Variants in ATP5F1D observed in about 807,000 individuals in gnomAD.
The protein encoded by ATP5F1D is ATP synthase F1 subunit delta.
Under a neutral mutation model 13.0 loss-of-function variants are expected in ATP5F1D, and 16 were observed. That is an observed-to-expected ratio of 1.23 (90% CI 0.83 to 1.87). The LOEUF (loss-of-function observed/expected upper bound fraction) is 1.87, where lower values mean the gene tolerates loss of function less well. Ranked by LOEUF, ATP5F1D falls within the 40% of genes most tolerant of loss-of-function variation. ATP5F1D has a pLI of 0.00. For synonymous variants in ATP5F1D, 129 were observed against 116.2 expected (o/e 1.11, Z -0.71); for missense variants, 294 against 246.2 (o/e 1.19, Z -1.30).
intron 1 of ATP5F1D, 37 bp downstream of exon 1, chr19:1,242,028 C>T: frequency 2.2e-6 from 3 of 1,366,002 alleles, no homozygotes; most frequent in Non-Finnish European, 9.5e-7. Flanking sequence ...CCGTGGCCGC[C>T]GCCCCCGGAG....
In ATP5F1D at chr19:1,244,693, C is replaced by G; in HGVS notation, c.*256C>G. Reference sequence around the variant, plus strand: ...GGGCTCTCCTTCCGCCTCTCAAGATCCCCCCAGCCTGACGGGCCGCTTACC... The same window carrying G: ...GGGCTCTCCTTCCGCCTCTCAAGATGCCCCCAGCCTGACGGGCCGCTTACC... On this transcript the variant is annotated 3_prime_UTR_variant, in exon 4 of 4. Coordinates refer to ENST00000215375, the MANE Select transcript of ATP5F1D (RefSeq NM_001687.5). The G allele has an allele frequency of 1.9e-6, 1 of 525,558 alleles. No individual in the cohort carries two copies. Among genetic ancestry groups the G allele is most frequent in the Non-Finnish European group, 3.3e-6 (1 of 304,532 alleles). 32.6% of individuals were successfully genotyped at this position (525,558 alleles called of 1,614,324 possible).
intron 2 of ATP5F1D, chr19:1,242,865 G>T: frequency 3.5e-6 from 1 of 288,776 alleles, no homozygotes; most frequent in Non-Finnish European, 6.3e-6. Flanking sequence ...GGTGGCTCCC[G>T]CCTGTAATCC....
At position 1,244,504 on chromosome 19, in the gene ATP5F1D, A is replaced by G; in HGVS notation, c.*67A>G. The stretch of plus-strand genomic sequence containing the variant: ...GCAGGGATGCCAGGTGGGCCCAGCC[A>G]GCTCCTGGGGTCCCGGCCACCTGGG... On this transcript the variant is annotated 3_prime_UTR_variant, in exon 4 of 4. Transcript: ENST00000215375. The G allele has an allele frequency of 1.3e-6, 2 of 1,518,620 alleles. No homozygotes were observed. The highest frequency in any genetic ancestry group is 8.9e-7 in the Non-Finnish European group (1 of 1,128,132). 94.1% of individuals were successfully genotyped at this position (1,518,620 alleles called of 1,614,324 possible).
chr19:1,242,041 C>T (rs1166600023), intron 1 of ATP5F1D, 50 bp downstream of exon 1: 8 of 1,350,678 alleles, frequency 5.9e-6, no homozygotes, highest in Non-Finnish European at 7.6e-6. Flanking sequence ...CCCCGGAGTC[C>T]AGGGTCCCCA....
intron 1 of ATP5F1D, 68 bp downstream of exon 1, chr19:1,242,059 G>T: frequency 7.7e-7 from 1 of 1,303,916 alleles, no homozygotes; most frequent in Non-Finnish European, 9.8e-7. Flanking sequence ...CCACCCCCAG[G>T]GCGCGACCCC....
Position 1,244,071 on chromosome 19 carries a change from G to A in ATP5F1D, c.296-26G>A, listed in dbSNP as rs370089580. 2.4e-4 allele frequency: 387 copies of A among 1,595,732 alleles called. 2 individuals carry two copies. Among genetic ancestry groups the A allele is most frequent in the East Asian group, 2.0e-3 (86 of 43,484 alleles). On this transcript the variant is annotated intron_variant, in intron 2 of 3. Coordinates refer to ENST00000215375, the MANE Select transcript of ATP5F1D (RefSeq NM_001687.5). ...GCTGTGCAGCCCTTTGGGGTCTCAC[G>A]CCTTCCCCCCGCCCCATTCCCCCAG...
Position 1,241,866 on chromosome 19 carries a change from C to A in ATP5F1D, c.16C>A (p.Leu6Met). The A allele has an allele frequency of 7.2e-7, 1 of 1,391,862 alleles. No homozygotes were observed. Among genetic ancestry groups the A allele is most frequent in the Non-Finnish European group, 9.3e-7 (1 of 1,074,874 alleles). 86.2% of individuals were successfully genotyped at this position (1,391,862 alleles called of 1,614,324 possible). ...CGCCGCTGCCATGCTGCCCGCCGCG[C>A]TGCTCCGCCGCCCGGGACTTGGCCG... MLPAALLRRPGLGRLV... is the reference protein window; with the variant it reads MLPAAMLRRPGLGRLV... Residue 6 changes from leucine (L) to methionine (M), a missense_variant, in exon 1 of 4, where the codon CTG becomes ATG. By Grantham distance (15) the Leu-to-Met change is conservative. Coordinates refer to ENST00000215375, the MANE Select transcript of ATP5F1D (RefSeq NM_001687.5).
At chr19:1,244,014 G>A (rs1195088739) in intron 2 of ATP5F1D, 83 bp from the exon 3 acceptor site, 1 of 1,356,684 alleles carries the variant, frequency 7.4e-7, no homozygotes, top group Non-Finnish European at 1.0e-6. Context: ...GGTTCACAGG[G>A]GGCTCTGGAC....
chr19:1,242,058 G>T, intron 1 of ATP5F1D, 67 bp downstream of exon 1: 1 of 1,305,048 alleles, frequency 7.7e-7, no homozygotes, highest in East Asian at 2.9e-5. Context: ...CCCACCCCCA[G>T]GGCGCGACCC....
At position 1,242,516 on chromosome 19, in the gene ATP5F1D, G is replaced by A. The variant is rs1405518781; in HGVS notation, c.202G>A (p.Gly68Ser). The change falls in exon 2 of 4, where the codon GGC becomes AGC. Residue 68 changes from glycine to serine, a missense_variant. Physicochemically the swap from Gly to Ser is moderately conservative, Grantham distance 56. Coordinates refer to ENST00000215375, the MANE Select transcript of ATP5F1D (RefSeq NM_001687.5). ...VDVPTLTGAF[G>S]ILAAHVPTLQ... Reference sequence around the variant, plus strand: ...CGTGCCCACGCTGACCGGAGCCTTCGGCATCCTGGCGGCCCACGTGCCCAC... The same window carrying A: ...CGTGCCCACGCTGACCGGAGCCTTCAGCATCCTGGCGGCCCACGTGCCCAC... 3 of 1,550,996 alleles carry A rather than the reference G, an allele frequency of 1.9e-6. No homozygotes were observed. In the South Asian group the frequency reaches 3.6e-5, roughly 18 times the overall value.
At position 1,244,411 on chromosome 19, in the gene ATP5F1D, G is replaced by A. The variant is rs370466468; in HGVS notation, c.481G>A (p.Glu161Lys). 2.9e-5 allele frequency: 45 copies of A among 1,562,680 alleles called. No individual in the cohort carries two copies. Among genetic ancestry groups the A allele is most frequent in the Non-Finnish European group, 2.9e-5 (33 of 1,153,502 alleles). Residue 161 changes from glutamate (E) to lysine (K), a missense_variant, in exon 4 of 4, where the codon GAG (glutamate) becomes AAG (lysine). Physicochemically the swap from Glu to Lys is moderately conservative, Grantham distance 56. Coordinates refer to ENST00000215375, the MANE Select transcript of ATP5F1D (RefSeq NM_001687.5). ...AEIQIRIEAN[E>K]ALVKALE ...GATCCAGATCCGAATCGAGGCCAAC[G>A]AGGCCCTGGTGAAGGCCCTGGAGTA... is the stretch of plus-strand genomic sequence containing the variant.
At chr19:1,244,239 G>A in intron 3 of ATP5F1D, 54 bp downstream of exon 3, 2 of 1,586,140 alleles carry the variant, frequency 1.3e-6, no homozygotes, top group Admixed American at 3.5e-5. Flanking sequence ...CCAGGCTGCG[G>A]GGGAGGGAGC....
At chr19:1,242,374 A>G in intron 1 of ATP5F1D, 82 bp from the exon 2 acceptor site, 1 of 1,409,276 alleles carries the variant, frequency 7.1e-7, no homozygotes, top group Non-Finnish European at 9.3e-7. Context: ...GCCCTGACCC[A>G]TTACTTAGCA....
rs1018757225 is a variant in ATP5F1D, at chr19:1,244,335, G to A, written c.405G>A (p.Glu135=). ...TGCAGGCAGCCAAGGCAAACTTGGA[G>A]AAGGCCCAGGCGGAGCTGGTGGGGA... ...LDLGAAKANL[E]KAQAELVGTA... is the part of the protein sequence containing the mutation. Residue 135 remains glutamate, a synonymous_variant, in exon 4 of 4, where the codon GAG becomes GAA. Transcript: ENST00000215375. The A allele has an allele frequency of 6.3e-7, 1 of 1,593,210 alleles. No individual in the cohort carries two copies. Among genetic ancestry groups the A allele is most frequent in the Non-Finnish European group, 8.5e-7 (1 of 1,170,420 alleles).
At chr19:1,242,051 AC>A (rs2081040124) in intron 1 of ATP5F1D, 60 bp downstream of exon 1, 8 of 1,311,168 alleles carry the variant, frequency 6.1e-6, no homozygotes, top group Non-Finnish European at 6.8e-6. Context: ...CAGGGTCCCC[AC>A]CCCCAGGGCG....
chr19:1,243,888 C>T (rs1037797589), intron 2 of ATP5F1D, among the ~76,000 whole-genome samples: 5 of 152,194 alleles, frequency 3.3e-5, no homozygotes, highest in African/African-American at 9.7e-5. Context: ...CTAGTCCTTT[C>T]TTGCGGCCCC....
In ATP5F1D at chr19:1,241,782, C is replaced by G; in HGVS notation, c.-69C>G. 3 of 1,274,480 alleles carry G rather than the reference C, an allele frequency of 2.4e-6. No individual in the cohort carries two copies. The highest frequency in any genetic ancestry group is 3.0e-6 in the Non-Finnish European group (3 of 1,013,642). The allele number at this position is 1,274,480 out of a possible 1,614,324, so 78.9% of individuals were successfully genotyped here. A position where few individuals can be genotyped will look rare whatever the true frequency, so the allele number is the denominator to read the frequency against. ...CCCTGCGCGTCGTCCTCCTCGCCCT[C>G]CAGGCCGCCCGCGCCGCGCCGGAGT... On this transcript the variant is annotated 5_prime_UTR_variant, in exon 1 of 4. Transcript: ENST00000215375.
rs569204304 is a variant in ATP5F1D, at chr19:1,241,913, C to T, written c.63C>T (p.Ala21=). Reference sequence around the variant, plus strand: ...GCCGCCTCGTCCGCCACGCCCGTGCCTATGCCGAGGCCGCCGCCGCCCCGG... The same window carrying T: ...GCCGCCTCGTCCGCCACGCCCGTGCTTATGCCGAGGCCGCCGCCGCCCCGG... ...GLGRLVRHAR[A]YAEAAAAPAA... Residue 21 remains alanine, a synonymous_variant, in exon 1 of 4, where the codon GCC becomes GCT. Coordinates refer to ENST00000215375, the MANE Select transcript of ATP5F1D (RefSeq NM_001687.5). 184 of 1,493,436 alleles carry T rather than the reference C, an allele frequency of 1.2e-4. No homozygotes were observed. The highest frequency in any genetic ancestry group is 1.2e-3 in the African/African-American group (83 of 69,498). The allele number at this position is 1,493,436 out of a possible 1,614,324, so 92.5% of individuals were successfully genotyped here.
rs372930127 is a variant in ATP5F1D, at chr19:1,242,943, G to A, written c.295+334G>A. ...AGATCGAGACCATCCTGGCTAACAC[G>A]GTGAAACCCCGTCTCTACTAAAAAT... On this transcript the variant is annotated intron_variant, in intron 2 of 3. Coordinates refer to ENST00000215375, the MANE Select transcript of ATP5F1D (RefSeq NM_001687.5). The A allele has an allele frequency of 4.5e-5, 8 of 177,122 alleles. No individual in the cohort carries two copies. In the South Asian group the frequency reaches 1.1e-3, roughly 25 times the overall value. The allele number at this position is 177,122 out of a possible 1,614,324, so 11.0% of individuals were successfully genotyped here.
Sources: gnomAD v4.1 joint callset for allele counts (sites outside exome capture counted in the v4.1 genomes callset) on GRCh38, gnomAD v4.1.1 for gene constraint, MANE v1.5 for transcripts, NCBI Gene and HGNC (gene_info 2026-07-23, HGNC 2026-07-21) for gene names.